Variants in ASCC3 observed in about 807,000 individuals in gnomAD.
ASCC3 encodes the protein activating signal cointegrator 1 complex subunit 3.
ASCC3 carries 158 observed loss-of-function variants against 256.3 expected under a neutral mutation model. The ratio of observed to expected loss-of-function variants is 0.62; its 90% confidence interval spans 0.54 to 0.70. The LOEUF is 0.70. Among genes scored for constraint, ASCC3 ranks in the 30% least tolerant of loss-of-function variants. ASCC3 has a pLI of 0.00. For missense variants in ASCC3, 2,259 were observed against 2,626.0 expected (o/e 0.86, Z 3.05); for synonymous variants, 948 against 883.4 (o/e 1.07, Z -1.30).
At chr6:100,606,640 C>T in intron 32 of ASCC3, 100 bp downstream of exon 32, 2 of 1,340,768 alleles carry the variant, frequency 1.5e-6, no homozygotes, top group Admixed American at 4.7e-5. Flanking sequence ...GACCAATTCT[C>T]AGAAGTTTAA....
intron 32 of ASCC3, among the ~76,000 whole-genome samples, chr6:100,605,912 AT>A (rs1307355808): frequency 6.6e-6 from 1 of 152,130 alleles, no homozygotes; most frequent in Non-Finnish European, 1.5e-5. Flanking sequence ...AGTAACTATG[AT>A]GAAAAACTGA....
At position 100,848,447 on chromosome 6, in the gene ASCC3, C is replaced by T. The variant is rs957312087; in HGVS notation, c.502G>A (p.Ala168Thr). Reference protein sequence around the residue: ...GDRVFFGKNLAFSFDMHDLDH... With the variant: ...GDRVFFGKNLTFSFDMHDLDH... Reference sequence around the variant, plus strand: ...AAATCATGCATGTCAAATGAAAATGCTAAATTTTTACCAAAAAAAACCCTA... The same window carrying T: ...AAATCATGCATGTCAAATGAAAATGTTAAATTTTTACCAAAAAAAACCCTA... The change falls in exon 4 of 42, where the codon GCA becomes ACA. Residue 168 changes from alanine (A) to threonine (T), a missense_variant. This residue lies in a region of ASCC3 where 420 missense variants were observed against 419.3 expected (regional missense o/e 1.00). Coordinates refer to ENST00000369162, the MANE Select transcript of ASCC3 (RefSeq NM_006828.4). 4 of 1,610,996 alleles carry T rather than the reference C, an allele frequency of 2.5e-6. No homozygotes were observed. Among genetic ancestry groups the T allele is most frequent in the African/African-American group, 1.3e-5 (1 of 74,650 alleles).
At chr6:100,650,066 C>A (rs1280226270) in intron 20 of ASCC3, among the ~76,000 whole-genome samples, 1 of 151,586 alleles carries the variant, frequency 6.6e-6, no homozygotes, top group Non-Finnish European at 1.5e-5. Context: ...CCAGAGACAT[C>A]ACACTGAACG....
At chr6:100,545,269 C>G (rs1775661279) in intron 36 of ASCC3, among the ~76,000 whole-genome samples, 1 of 152,120 alleles carries the variant, frequency 6.6e-6, no homozygotes, top group Non-Finnish European at 1.5e-5. Context: ...CCTCTACCTC[C>G]CAGGTTCAAG....
At position 100,618,906 on chromosome 6, in the gene ASCC3, G is replaced by A. The variant is rs115957453; in HGVS notation, c.4785+6286C>T. On this transcript the variant is annotated intron_variant, in intron 30 of 41. Transcript: ENST00000369162. ...CTGTATAATAATGTTTCTGTCTGAG[G>A]AACTCACTTCATAAAGGAAAAGGTA... 2.9e-3 allele frequency among the ~76,000 whole-genome samples: 435 copies of A among 152,268 alleles called. 3 individuals are homozygous for A. The highest frequency in any genetic ancestry group is 0.01 in the African/African-American group (421 of 41,554).
chr6:100,633,593 C>T (rs1774667401), intron 25 of ASCC3, among the ~76,000 whole-genome samples: 1 of 151,634 alleles, frequency 6.6e-6, no homozygotes, highest in African/African-American at 2.4e-5. Context: ...AGGCTGGGTG[C>T]GGTTGCTCAG....
intron 9 of ASCC3, 108 bp from the exon 10 acceptor site, chr6:100,766,813 C>A: frequency 7.4e-7 from 1 of 1,358,050 alleles, no homozygotes; most frequent in Non-Finnish European, 1.0e-6. Context: ...TTTCTAACTA[C>A]TTCCAGTGAA....
intron 30 of ASCC3, among the ~76,000 whole-genome samples, chr6:100,608,437 T>C (rs187587389): frequency 0.073 from 1,314 of 18,116 alleles, 211 homozygotes; most frequent in African/African-American, 0.19. Flanking sequence ...ATATATATAC[T>C]TTATATATAT....
At chr6:100,699,638 G>T (rs2114996596) in intron 13 of ASCC3, among the ~76,000 whole-genome samples, 1 of 152,280 alleles carries the variant, frequency 6.6e-6, no homozygotes, top group African/African-American at 2.4e-5. Context: ...GAAGAAGACA[G>T]GAAGATGTGG....
chr6:100,674,661 C>T (rs1301478366), intron 14 of ASCC3, among the ~76,000 whole-genome samples: 1 of 134,620 alleles, frequency 7.4e-6, no homozygotes, highest in African/African-American at 2.8e-5. Context: ...GAGACAGAGT[C>T]TCCCTCTGTC....
At chr6:100,565,253 G>A (rs1332718191) in intron 36 of ASCC3, among the ~76,000 whole-genome samples, 3 of 152,120 alleles carry the variant, frequency 2.0e-5, no homozygotes, top group South Asian at 4.1e-4. Context: ...GTTCCCGACT[G>A]TTTTGCAGAT....
intron 4 of ASCC3, among the ~76,000 whole-genome samples, chr6:100,833,170 T>G (rs1278448612): frequency 6.6e-6 from 1 of 152,084 alleles, no homozygotes; most frequent in African/African-American, 2.4e-5. Flanking sequence ...GGAGGAATCT[T>G]AAATGCGTAA....
At chr6:100,778,098 TG>T (rs1363141596) in intron 8 of ASCC3, among the ~76,000 whole-genome samples, 7 of 32,674 alleles carry the variant, frequency 2.1e-4, no homozygotes, top group Admixed American at 4.8e-4. Flanking sequence ...AAATGTAAGA[TG>T]GTGGAAAAAA....
In ASCC3 at chr6:100,629,195, T is replaced by C. The variant is rs1278908778; in HGVS notation, c.4209-14A>G. The C allele has an allele frequency of 2.0e-5, 32 of 1,611,346 alleles. No individual in the cohort carries two copies. The highest frequency in any genetic ancestry group is 2.5e-5 in the Non-Finnish European group (29 of 1,178,172). On this transcript the variant is annotated splice_polypyrimidine_tract_variant and intron_variant, in intron 26 of 41. Coordinates refer to ENST00000369162, the MANE Select transcript of ASCC3 (RefSeq NM_006828.4). ...AGTTCAATAACTCTGGAGGGAAATA[T>C]AACAATGATCCCAGAAACTTTTCAG...
intron 36 of ASCC3, among the ~76,000 whole-genome samples, chr6:100,581,495 A>G (rs1376533557): frequency 1.3e-5 from 2 of 152,018 alleles, no homozygotes; most frequent in African/African-American, 2.4e-5. Context: ...CTTTTGTCAG[A>G]TGAGTAGGTT....
In ASCC3 at chr6:100,589,730, A is replaced by T. The variant is rs1771893569; in HGVS notation, c.5454T>A (p.Ile1818=). The T allele has an allele frequency of 6.2e-7, 1 of 1,613,794 alleles. No individual in the cohort carries two copies. The highest frequency in any genetic ancestry group is 2.2e-5 in the East Asian group (1 of 44,842). ...GATGCTTCAAATAGTAATAGGAGGC[A>T]ATTCGGCCATAAGTTAGAGGTTCAA... ...RSIEPLTYGR[I]ASYYYLKHQT... is the part of the protein sequence containing the mutation. Residue 1818 remains isoleucine, a synonymous_variant, in exon 36 of 42, where the codon ATT becomes ATA. Transcript: ENST00000369162.
chr6:100,652,631 A>C (rs1255193298), intron 18 of ASCC3, 94 bp downstream of exon 18: 13 of 1,300,958 alleles, frequency 1.0e-5, no homozygotes, highest in Non-Finnish European at 1.3e-5. Context: ...ATTTTGTTCT[A>C]TTATTTGCTT....
At chr6:100,721,574 T>C (rs1401289651) in intron 11 of ASCC3, among the ~76,000 whole-genome samples, 3 of 151,720 alleles carry the variant, frequency 2.0e-5, no homozygotes, top group Admixed American at 1.3e-4. Flanking sequence ...GTCTGACAAC[T>C]ACCTGGATTT....
At chr6:100,665,565 AAAAC>A (rs1378345695) in intron 14 of ASCC3, among the ~76,000 whole-genome samples, 4 of 151,092 alleles carry the variant, frequency 2.6e-5, no homozygotes, top group South Asian at 2.1e-4. Context: ...TCTACTAACA[AAAAC>A]AAACAAACAA....
Sources: allele counts gnomAD v4.1 joint callset (sites outside exome capture counted in the v4.1 genomes callset), GRCh38; gene constraint gnomAD v4.1.1; regional missense constraint gnomAD v4.1.1; transcripts MANE v1.5; gene names NCBI Gene and HGNC (gene_info 2026-07-23, HGNC 2026-07-21).